ADCY2: variants seen among roughly 807,000 people sequenced by gnomAD.
ADCY2 encodes adenylate cyclase type 2.
ADCY2 carries 31 observed loss-of-function variants against 125.2 expected under a neutral mutation model. The observed-to-expected ratio is 0.25, with a 90% CI of 0.19 to 0.33. The LOEUF is 0.33. Ranked by LOEUF, ADCY2 falls within the 10% of genes least tolerant of loss-of-function variation. The pLI is 1.00. For missense variants in ADCY2, 904 were observed against 1,418.2 expected (o/e 0.64, Z 5.82); for synonymous variants, 512 against 548.4 (o/e 0.93, Z 0.93).
intron 3 of ADCY2, among the ~76,000 whole-genome samples, chr5:7,571,008 G>T (rs1736049881): frequency 6.6e-6 from 1 of 152,064 alleles, no homozygotes; most frequent in Non-Finnish European, 1.5e-5. Flanking sequence ...TGTTATTAGA[G>T]ACTTACTATA....
chr5:7,463,450 G>A (rs1741988490), intron 2 of ADCY2, among the ~76,000 whole-genome samples: 1 of 151,984 alleles, frequency 6.6e-6, no homozygotes, highest in South Asian at 2.1e-4. Context: ...TTGCACTTGA[G>A]GGAACTGTTA....
chr5:7,651,573 A>C (rs1181535516), intron 4 of ADCY2, among the ~76,000 whole-genome samples: 1 of 152,096 alleles, frequency 6.6e-6, no homozygotes, highest in Admixed American at 6.5e-5. Context: ...GCCTGCTTTT[A>C]TTCTGGCCGC....
chr5:7,826,058 G>A (rs926226368), intron 24 of ADCY2, among the ~76,000 whole-genome samples: 1 of 152,208 alleles, frequency 6.6e-6, no homozygotes, highest in African/African-American at 2.4e-5. Flanking sequence ...GCAGTGAAGC[G>A]AGGAGACCTT....
At chr5:7,825,560 G>A (rs547673057) in intron 24 of ADCY2, among the ~76,000 whole-genome samples, 1 of 152,362 alleles carries the variant, frequency 6.6e-6, no homozygotes, top group South Asian at 2.1e-4. Flanking sequence ...GGAGGAGATT[G>A]CTCCTTTGTG....
At chr5:7,808,744 C>G (rs936665057) in intron 22 of ADCY2, among the ~76,000 whole-genome samples, 1 of 152,200 alleles carries the variant, frequency 6.6e-6, no homozygotes, top group Non-Finnish European at 1.5e-5. Flanking sequence ...TCCCTGCACC[C>G]CTACATTTGT....
At chr5:7,486,903 G>C (rs1742954349) in intron 2 of ADCY2, among the ~76,000 whole-genome samples, 1 of 152,174 alleles carries the variant, frequency 6.6e-6, no homozygotes, top group Non-Finnish European at 1.5e-5. Flanking sequence ...TTGGAGGTCA[G>C]GGTTCCTTGA....
intron 3 of ADCY2, among the ~76,000 whole-genome samples, chr5:7,620,972 G>A (rs184386300): frequency 4.9e-4 from 74 of 151,956 alleles, no homozygotes; most frequent in African/African-American, 1.7e-3. Flanking sequence ...CAGCCTGCAG[G>A]GTGCTGCCTG....
intron 3 of ADCY2, among the ~76,000 whole-genome samples, chr5:7,541,062 G>GTC (rs577256692): frequency 1.0e-3 from 158 of 152,026 alleles, no homozygotes; most frequent in Non-Finnish European, 1.6e-3. Flanking sequence ...TCGGCACAGC[G>GTC]TATCAGCTAC....
chr5:7,613,045 T>A (rs1737623345), intron 3 of ADCY2, among the ~76,000 whole-genome samples: 1 of 151,636 alleles, frequency 6.6e-6, no homozygotes. Context: ...AAAATATATA[T>A]ATACCTAATG....
At position 7,758,065 on chromosome 5, in the gene ADCY2, G is replaced by C. The variant is rs539737346; in HGVS notation, c.2094+479G>C. On this transcript the variant is annotated intron_variant, in intron 16 of 24. Transcript: ENST00000338316. Reference sequence around the variant, plus strand: ...TGTCCTGCCCTGGAGTTTAAATGATGCGATTGCAACCCCTTGCTCCCCGTC... The same window carrying C: ...TGTCCTGCCCTGGAGTTTAAATGATCCGATTGCAACCCCTTGCTCCCCGTC... Among the ~76,000 whole-genome samples, 4 of 152,236 alleles carry C rather than the reference G, an allele frequency of 2.6e-5. No homozygotes were observed. The East Asian group carries it at 7.7e-4, about 29-fold the overall frequency.
chr5:7,528,776 C>T (rs1734552538), intron 3 of ADCY2, among the ~76,000 whole-genome samples: 1 of 152,186 alleles, frequency 6.6e-6, no homozygotes, highest in Non-Finnish European at 1.5e-5. Context: ...CCAATCCGTG[C>T]ATGTTTGATC....
intron 3 of ADCY2, among the ~76,000 whole-genome samples, chr5:7,597,648 G>A (rs961676800): frequency 1.3e-5 from 2 of 152,164 alleles, no homozygotes; most frequent in Non-Finnish European, 2.9e-5. Context: ...ATGGTAGCCT[G>A]TACCTATAGT....
chr5:7,490,104 T>C (rs1278693964), intron 2 of ADCY2, among the ~76,000 whole-genome samples: 1 of 152,196 alleles, frequency 6.6e-6, no homozygotes. Context: ...GGCAATGTGC[T>C]ATGTGATTGG....
chr5:7,419,021 C>T (rs557512850), intron 2 of ADCY2, among the ~76,000 whole-genome samples: 36 of 152,192 alleles, frequency 2.4e-4, no homozygotes, highest in African/African-American at 3.1e-4. Flanking sequence ...TGTTGCGGCA[C>T]GTTCACTTTG....
At chr5:7,399,080 G>T (rs1579403266) in intron 1 of ADCY2, among the ~76,000 whole-genome samples, 1 of 152,208 alleles carries the variant, frequency 6.6e-6, no homozygotes, top group East Asian at 1.9e-4. Flanking sequence ...CCCTGCCAAG[G>T]TTTCCATGCT....
At chr5:7,561,562 G>A (rs989630972) in intron 3 of ADCY2, among the ~76,000 whole-genome samples, 27 of 134,614 alleles carry the variant, frequency 2.0e-4, no homozygotes, top group African/African-American at 1.1e-3. Context: ...TATAAAATGT[G>A]AACTTTTAGA....
intron 4 of ADCY2, among the ~76,000 whole-genome samples, chr5:7,685,604 A>C (rs1397273876): frequency 6.6e-6 from 1 of 152,216 alleles, no homozygotes; most frequent in East Asian, 1.9e-4. Context: ...TGAAGCAAAA[A>C]TTCTACTGAG....
intron 2 of ADCY2, among the ~76,000 whole-genome samples, chr5:7,507,416 G>C (rs1248651818): frequency 8.2e-6 from 1 of 121,504 alleles, no homozygotes. Context: ...ACTCCAGCCT[G>C]GGCGACAGAG....
At chr5:7,518,301 G>C (rs924949648) in intron 2 of ADCY2, among the ~76,000 whole-genome samples, 1 of 152,086 alleles carries the variant, frequency 6.6e-6, no homozygotes, top group South Asian at 2.1e-4. Context: ...ATGAAGTGAG[G>C]GAGGTGCCCC....
Sources: allele counts gnomAD v4.1 joint callset (sites outside exome capture counted in the v4.1 genomes callset), GRCh38; gene constraint gnomAD v4.1.1; transcripts MANE v1.5; gene names NCBI Gene and HGNC (gene_info 2026-07-23, HGNC 2026-07-21).